The following CENPK variants were observed in gnomAD, a reference collection of about 807,000 sequenced individuals.
CENPK encodes SoxLZ/Sox6-binding protein Solt.
CENPK carries 46 observed loss-of-function variants against 40.9 expected under a neutral mutation model. The ratio of observed to expected loss-of-function variants is 1.13; its 90% CI spans 0.89 to 1.44. The LOEUF (loss-of-function observed/expected upper bound fraction) is 1.44, where lower values mean the gene tolerates loss of function less well. CENPK is among the 40% of genes most tolerant of loss of function. CENPK has a pLI of 0.00. For synonymous variants in CENPK, 107 were observed against 104.4 expected, an observed-to-expected ratio of 1.02 and a Z score of -0.15; for missense variants, 288 against 303.5, an observed-to-expected ratio of 0.95 and a Z score of 0.38.
At chr5:65,547,059 G>A (rs539497492) in intron 5 of CENPK, among the ~76,000 whole-genome samples, 1 of 152,186 alleles carries the variant, frequency 6.6e-6, no homozygotes, top group South Asian at 2.1e-4. Context: ...AAGATATAAT[G>A]CTGGTATAGC....
chr5:65,502,952 C>G, the CENPK span, among the ~76,000 whole-genome samples: 1 of 151,812 alleles, frequency 6.6e-6, no homozygotes, highest in South Asian at 2.1e-4. Context: ...ACTACAGGCA[C>G]CATGCCTGGC....
chr5:65,551,438 C>T, intron 5 of CENPK, 126 bp downstream of exon 5: 2 of 550,854 alleles, frequency 3.6e-6, no homozygotes, highest in Non-Finnish European at 6.5e-6. Context: ...AGTGGCTTCT[C>T]GGTATCAATG....
intron 2 of CENPK, among the ~76,000 whole-genome samples, chr5:65,558,730 C>G (rs1751406499): frequency 6.6e-6 from 1 of 151,912 alleles, no homozygotes; most frequent in South Asian, 2.1e-4. Flanking sequence ...GGTGTAGCAC[C>G]ACAGGTACAG....
intron 6 of CENPK, chr5:65,529,427 TATC>T (rs562828079): frequency 3.4e-5 from 14 of 411,048 alleles, no homozygotes; most frequent in Non-Finnish European, 5.2e-5. Context: ...TAAATTTTAA[TATC>T]ATATTGAAAG....
intron 5 of CENPK, among the ~76,000 whole-genome samples, chr5:65,544,361 G>C (rs1053781594): frequency 1.3e-5 from 2 of 152,240 alleles, no homozygotes; most frequent in Middle Eastern, 6.8e-3. Flanking sequence ...ACAGCAGACA[G>C]CTACTATCAA....
intron 6 of CENPK, among the ~76,000 whole-genome samples, chr5:65,540,570 G>A (rs1035849089): frequency 4.6e-5 from 7 of 152,090 alleles, no homozygotes; most frequent in African/African-American, 1.4e-4. Flanking sequence ...GAAAACTCTG[G>A]GAAGGGAGAA....
At chr5:65,559,396 G>A (rs1290745335) in intron 2 of CENPK, among the ~76,000 whole-genome samples, 3 of 152,146 alleles carry the variant, frequency 2.0e-5, no homozygotes, top group African/African-American at 7.2e-5. Flanking sequence ...TTGGGAGGCC[G>A]AGGCGGGCGG....
At chr5:65,499,040 A>C in the CENPK span, among the ~76,000 whole-genome samples, 1 of 151,356 alleles carries the variant, frequency 6.6e-6, no homozygotes, top group Non-Finnish European at 1.5e-5. Context: ...CTTTTTTTAA[A>C]TAGAGAATGA....
intron 6 of CENPK, among the ~76,000 whole-genome samples, chr5:65,530,529 CAAAG>C (rs1561638692): frequency 6.6e-6 from 1 of 152,124 alleles, no homozygotes; most frequent in African/African-American, 2.4e-5. Context: ...TCAGGAACAA[CAAAG>C]AAGACTAAAG....
the CENPK span, among the ~76,000 whole-genome samples, chr5:65,511,021 A>T: frequency 1.3e-5 from 2 of 152,124 alleles, no homozygotes; most frequent in Non-Finnish European, 2.9e-5. Context: ...GTAGAAAGAA[A>T]TTCCTCTTCT....
At chr5:65,562,711 AAAG>A (rs1289936332) in intron 1 of CENPK, 8 of 152,258 alleles carry the variant, frequency 5.3e-5, no homozygotes, top group African/African-American at 1.9e-4. Flanking sequence ...CAGAGAGAAG[AAAG>A]AAGAGTGACC....
At chr5:65,533,240 A>T (rs2150397754) in intron 6 of CENPK, among the ~76,000 whole-genome samples, 1 of 151,344 alleles carries the variant, frequency 6.6e-6, no homozygotes, top group East Asian at 2.0e-4. Flanking sequence ...AATCCAAGCT[A>T]CTGGGAGGCT....
rs776182305 is a variant in CENPK at position 65,528,921 on chromosome 5, T to C, written c.468A>G (p.Ser156=). ...AACCTAGAACATAAAATTAATACCTTGATTCAGAAAATGTTTCAACCTTAT... is the reference window on the plus strand; with the variant it reads ...AACCTAGAACATAAAATTAATACCTCGATTCAGAAAATGTTTCAACCTTAT... ...LKNKVETFSE[S]RIFNELKTKM... The change falls in exon 8 of 11, where the codon TCA becomes TCG. Residue 156 remains serine, a splice_region_variant and synonymous_variant. Coordinates refer to ENST00000396679, the MANE Select transcript of CENPK (RefSeq NM_022145.5). 2 of 1,503,570 alleles carry C rather than the reference T, an allele frequency of 1.3e-6. No individual in the cohort carries two copies. Among genetic ancestry groups the C allele is most frequent in the Non-Finnish European group, 1.8e-6 (2 of 1,093,434 alleles). 93.1% of individuals were successfully genotyped at this position (1,503,570 alleles called of 1,614,324 possible).
the CENPK span, among the ~76,000 whole-genome samples, chr5:65,495,922 T>C: frequency 1.3e-5 from 2 of 152,224 alleles, no homozygotes; most frequent in African/African-American, 4.8e-5. Context: ...GTGGTATAAA[T>C]TGCTTCAACC....
intron 5 of CENPK, among the ~76,000 whole-genome samples, chr5:65,547,133 C>T (rs1749141581): frequency 6.6e-6 from 1 of 152,020 alleles, no homozygotes; most frequent in Non-Finnish European, 1.5e-5. Flanking sequence ...TGGCTCATAC[C>T]TGTAATCCCA....
chr5:65,553,265 T>C (rs1356200472), intron 3 of CENPK, among the ~76,000 whole-genome samples: 1 of 152,098 alleles, frequency 6.6e-6, no homozygotes, highest in Non-Finnish European at 1.5e-5. Flanking sequence ...TAAAAATATC[T>C]GTGCCCTATC....
At chr5:65,520,468 C>T (rs1743520234) in intron 10 of CENPK, among the ~76,000 whole-genome samples, 1 of 151,898 alleles carries the variant, frequency 6.6e-6, no homozygotes, top group Non-Finnish European at 1.5e-5. Flanking sequence ...AAAAATTATA[C>T]ATGTAATACC....
chr5:65,504,986 G>A, the CENPK span, among the ~76,000 whole-genome samples: 1 of 152,106 alleles, frequency 6.6e-6, no homozygotes, highest in East Asian at 1.9e-4. Flanking sequence ...AGGCTTCATA[G>A]AATATAGTGA....
At chr5:65,515,036 A>G (rs1742765309), downstream of CENPK, among the ~76,000 whole-genome samples, 1 of 151,394 alleles carries the variant, frequency 6.6e-6, no homozygotes, top group Non-Finnish European at 1.5e-5. Flanking sequence ...TTTTGTTTCA[A>G]TTTTATTGAT....
Sources: gnomAD v4.1 joint callset for allele counts (sites outside exome capture counted in the v4.1 genomes callset) on GRCh38, gnomAD v4.1.1 for gene constraint, MANE v1.5 for transcripts, NCBI Gene and HGNC (gene_info 2026-07-23, HGNC 2026-07-21) for gene names.